The following ANO3 variants were observed in gnomAD, a reference collection of about 807,000 sequenced individuals.
The protein encoded by ANO3 is anoctamin 3.
ANO3 carries 99 observed loss-of-function variants against 144.8 expected under a neutral mutation model. That is an observed-to-expected ratio of 0.68 (90% CI 0.58 to 0.81). ANO3 has a LOEUF of 0.81. Ranked by LOEUF, ANO3 falls within the 30% of genes least tolerant of loss-of-function variation. The pLI, the probability that ANO3 is intolerant of heterozygous loss-of-function variation, is 0.00. For missense variants in ANO3, 905 were observed against 1,202.2 expected, an observed-to-expected ratio of 0.75 and a Z score of 3.66; for synonymous variants, 414 against 392.6, an observed-to-expected ratio of 1.05 and a Z score of -0.64.
intron 17 of ANO3, among the ~76,000 whole-genome samples, chr11:26,622,349 C>G (rs1852441217): frequency 6.6e-6 from 1 of 150,408 alleles, no homozygotes; most frequent in African/African-American, 2.5e-5. Context: ...TGGCTCATGT[C>G]TGTAATCCTA....
At chr11:26,239,470 G>A (rs767942614) in intron 1 of ANO3, among the ~76,000 whole-genome samples, 1 of 152,040 alleles carries the variant, frequency 6.6e-6, no homozygotes. Context: ...TGGTCCCTCT[G>A]CCAGGAAGTC....
In ANO3 at chr11:26,544,297, C is replaced by CACACAT. The variant is rs1289018080; in HGVS notation, c.1154+2230_1154+2231insCACATA. On this transcript the variant is annotated intron_variant, in intron 11 of 26. Coordinates refer to ENST00000256737, the MANE Select transcript of ANO3 (RefSeq NM_031418.4). The stretch of plus-strand genomic sequence containing the variant: ...ATACACACATACACACACACACACA[C>CACACAT]ATATGTATATAAACCATATTTTCTT... 9.0e-5 allele frequency among the ~76,000 whole-genome samples: 8 copies of CACACAT among 89,308 alleles called. No individual in the cohort carries two copies. In the South Asian group the frequency reaches 3.2e-3, roughly 36 times the overall value. 58.6% of individuals were successfully genotyped at this position (89,308 alleles called of 152,430 possible).
chr11:26,400,349 A>G (rs1394815012), intron 1 of ANO3, among the ~76,000 whole-genome samples: 1 of 152,106 alleles, frequency 6.6e-6, no homozygotes, highest in Non-Finnish European at 1.5e-5. Context: ...TGTATGGGGC[A>G]TAAAAGAATG....
At position 26,245,018 on chromosome 11, in the gene ANO3, T is replaced by TGTGCGCGCGC. The variant is rs1554928314; in HGVS notation, c.154+55692_154+55693insGCGCGCGTGC. 2.5e-3 allele frequency among the ~76,000 whole-genome samples: 359 copies of TGTGCGCGCGC among 145,422 alleles called. 12 individuals are homozygous for TGTGCGCGCGC. Among genetic ancestry groups the TGTGCGCGCGC allele is most frequent in the South Asian group, 0.014 (62 of 4,446 alleles). ...GTGTGTGTGTGTGTGTGTGTGTGTG[T>TGTGCGCGCGC]GTGCATGCATGCATTTGTCTTTCAT... On this transcript the variant is annotated intron_variant, in intron 1 of 27. Transcript: ENST00000672621.
chr11:26,355,365 T>C (rs74725973), intron 1 of ANO3, among the ~76,000 whole-genome samples: 4,862 of 152,276 alleles, frequency 0.032, 228 homozygotes, highest in African/African-American at 0.1. Flanking sequence ...TATAGCATTA[T>C]TCTGCTGCTG....
At chr11:26,550,175 T>C (rs1275382926) in intron 12 of ANO3, among the ~76,000 whole-genome samples, 1 of 151,696 alleles carries the variant, frequency 6.6e-6, no homozygotes, top group Non-Finnish European at 1.5e-5. Flanking sequence ...TATATGATTA[T>C]GATTAATATA....
intron 4 of ANO3, among the ~76,000 whole-genome samples, chr11:26,478,292 C>T (rs927293763): frequency 6.6e-6 from 1 of 152,144 alleles, no homozygotes; most frequent in Non-Finnish European, 1.5e-5. Flanking sequence ...GATCACATGT[C>T]TATTCTTTGC....
At chr11:26,346,391 T>G (rs977804792) in intron 1 of ANO3, among the ~76,000 whole-genome samples, 2 of 152,212 alleles carry the variant, frequency 1.3e-5, no homozygotes, top group Admixed American at 1.3e-4. Context: ...TTCTGAGAAT[T>G]TCTGTTTCAG....
At chr11:26,409,836 G>C (rs1857384812) in intron 1 of ANO3, among the ~76,000 whole-genome samples, 1 of 151,948 alleles carries the variant, frequency 6.6e-6, no homozygotes, top group Non-Finnish European at 1.5e-5. Context: ...TAGTAATAAA[G>C]ATGATGCTAA....
intron 1 of ANO3, among the ~76,000 whole-genome samples, chr11:26,275,924 C>G (rs868723820): frequency 6.6e-6 from 1 of 152,080 alleles, no homozygotes. Context: ...AGTCACTTAA[C>G]CTCTCTGAAG....
At chr11:26,192,708 G>C (rs1851501703) in intron 1 of ANO3, among the ~76,000 whole-genome samples, 1 of 152,116 alleles carries the variant, frequency 6.6e-6, no homozygotes. Flanking sequence ...TATAGTAAGT[G>C]TGTATGGGTG....
chr11:26,491,110 C>G (rs1860690113), intron 4 of ANO3, among the ~76,000 whole-genome samples: 1 of 152,158 alleles, frequency 6.6e-6, no homozygotes, highest in Non-Finnish European at 1.5e-5. Flanking sequence ...TTATTGCTGT[C>G]TTCTCTGATA....
intron 4 of ANO3, among the ~76,000 whole-genome samples, chr11:26,499,962 A>G (rs959152816): frequency 1.3e-5 from 2 of 151,924 alleles, no homozygotes; most frequent in Middle Eastern, 3.2e-3. Flanking sequence ...ATTATTCTCC[A>G]TTCTACCCAC....
chr11:26,369,725 A>G lies in ANO3; in HGVS notation c.46+37404A>G, dbSNP rs118137847. ...ATTTTATCTGTTCTATCTCTGTTTA[A>G]AGAAAGTATCTCCTTACAGTTTTTT... On this transcript the variant is annotated intron_variant, in intron 1 of 26. Transcript: ENST00000256737. Among the ~76,000 whole-genome samples, 96 of 152,300 alleles carry G rather than the reference A, an allele frequency of 6.3e-4. 1 individual carries two copies. The East Asian group carries it at 0.018, about 28-fold the overall frequency.
chr11:26,335,483 T>A (rs941564148), intron 1 of ANO3, among the ~76,000 whole-genome samples: 1 of 152,082 alleles, frequency 6.6e-6, no homozygotes, highest in African/African-American at 2.4e-5. Flanking sequence ...CTATGGATGG[T>A]TTTTTAAAAT....
upstream of ANO3, chr11:26,332,041 G>C: frequency 7.6e-7 from 1 of 1,313,526 alleles, no homozygotes; most frequent in Non-Finnish European, 1.0e-6. Flanking sequence ...GGGATGCGGG[G>C]TTGTTCCCAG....
At chr11:26,421,604 T>C (rs574694062) in intron 1 of ANO3, among the ~76,000 whole-genome samples, 1 of 152,156 alleles carries the variant, frequency 6.6e-6, no homozygotes, top group East Asian at 1.9e-4. Flanking sequence ...TATCAAGGTA[T>C]CTTGCTATAT....
chr11:26,285,177 T>G (rs1279273330), intron 1 of ANO3, among the ~76,000 whole-genome samples: 2 of 152,234 alleles, frequency 1.3e-5, no homozygotes, highest in African/African-American at 2.4e-5. Flanking sequence ...CTTTGTTATC[T>G]TTTAGAAAAT....
intron 1 of ANO3, among the ~76,000 whole-genome samples, chr11:26,347,206 A>G (rs1855518177): frequency 6.6e-6 from 1 of 152,230 alleles, no homozygotes; most frequent in African/African-American, 2.4e-5. Flanking sequence ...CACGTGCTTC[A>G]TATGGTTGCC....
Sources: allele counts gnomAD v4.1 joint callset (sites outside exome capture counted in the v4.1 genomes callset), GRCh38; gene constraint gnomAD v4.1.1; transcripts MANE v1.5; gene names NCBI Gene and HGNC (gene_info 2026-07-23, HGNC 2026-07-21).